FARP2: variants seen among roughly 807,000 people sequenced by gnomAD.
FARP2 encodes the protein FERM, ARHGEF and pleckstrin domain-containing protein 2.
FARP2 carries 111 observed loss-of-function variants against 130.5 expected under a neutral mutation model. That is an observed-to-expected ratio of 0.85 (90% CI 0.73 to 1.00). FARP2 has a LOEUF of 1.00. Ranked by LOEUF, FARP2 falls within the 50% of genes least tolerant of loss-of-function variation. FARP2 has a pLI of 0.00. For synonymous variants in FARP2, 504 were observed against 516.9 expected, an observed-to-expected ratio of 0.98 and a Z score of 0.34; for missense variants, 1,385 against 1,346.3, an observed-to-expected ratio of 1.03 and a Z score of -0.45.
intron 18 of FARP2, among the ~76,000 whole-genome samples, chr2:241,471,161 G>T (rs75948882): frequency 0.027 from 3,953 of 148,146 alleles, 399 homozygotes; most frequent in Admixed American, 0.18. Context: ...TCTGACGGGG[G>T]TCCTGTTCTG....
chr2:241,418,184 T>C (rs551767516), intron 8 of FARP2, 75 bp downstream of exon 8: 17 of 1,508,146 alleles, frequency 1.1e-5, no homozygotes, highest in South Asian at 9.3e-5. Context: ...TTTGTTCTTA[T>C]AGATGTTAGT....
intron 1 of FARP2, among the ~76,000 whole-genome samples, chr2:241,361,820 T>A (rs188911554): frequency 5.3e-5 from 8 of 152,252 alleles, no homozygotes; most frequent in African/African-American, 1.9e-4. Flanking sequence ...GAGGAACTAC[T>A]TTTAGAAATT....
Position 241,395,034 on chromosome 2 carries a change from G to T in FARP2, c.184-8794G>T, listed in dbSNP as rs185442286. On this transcript the variant is annotated intron_variant, in intron 2 of 26. Coordinates refer to ENST00000264042, the MANE Select transcript of FARP2 (RefSeq NM_014808.4). ...AGGCATGGTGCTCAGCGGCTTTCCT[G>T]TGCTACCTTATTACACTCCCATAAA... Among the ~76,000 whole-genome samples the T allele has an allele frequency of 2.4e-4, 37 of 152,334 alleles. No homozygotes were observed. The East Asian group carries it at 6.7e-3, about 28-fold the overall frequency.
chr2:241,451,282 G>A (rs1440385682), intron 13 of FARP2, among the ~76,000 whole-genome samples: 2 of 152,096 alleles, frequency 1.3e-5, no homozygotes, highest in Non-Finnish European at 2.9e-5. Context: ...CCAATTTGCC[G>A]CTTTGAGAGT....
chr2:241,364,132 A>T (rs905015461), intron 1 of FARP2, among the ~76,000 whole-genome samples: 4 of 152,242 alleles, frequency 2.6e-5, no homozygotes, highest in African/African-American at 9.6e-5. Context: ...TTAGGTAATT[A>T]TATGAGCCTT....
intron 12 of FARP2, among the ~76,000 whole-genome samples, chr2:241,438,349 G>GT (rs2063296001): frequency 6.6e-6 from 1 of 151,560 alleles, no homozygotes; most frequent in Admixed American, 6.6e-5. Flanking sequence ...GAAGCCAGGA[G>GT]TTTGAGACCA....
At chr2:241,365,482 C>G (rs577920726) in intron 1 of FARP2, among the ~76,000 whole-genome samples, 5 of 152,184 alleles carry the variant, frequency 3.3e-5, no homozygotes, top group Non-Finnish European at 5.9e-5. Flanking sequence ...TTTCTCTGAT[C>G]TGTAAATATT....
chr2:241,465,754 A>G, intron 17 of FARP2: 1 of 1,550,640 alleles, frequency 6.4e-7, no homozygotes, highest in Admixed American at 2.0e-5. Context: ...AGTGACGACG[A>G]CGACTCAAGC....
Position 241,396,044 on chromosome 2 carries a change from T to A in FARP2, c.184-7784T>A, listed in dbSNP as rs185333175. ...TTAAACTAGAGTGATGATACAACTA[T>A]CTGATCTTTGACAAACCTGAGAAAA... On this transcript the variant is annotated intron_variant, in intron 2 of 26. Coordinates refer to ENST00000264042, the MANE Select transcript of FARP2 (RefSeq NM_014808.4). 2.6e-5 allele frequency: 4 copies of A among 152,300 alleles called. No individual in the cohort carries two copies. The East Asian group carries it at 7.7e-4, about 29-fold the overall frequency. The allele number at this position is 152,300 out of a possible 1,614,324, so 9.4% of individuals were successfully genotyped here. A position where few individuals can be genotyped will look rare whatever the true frequency, so the allele number is the denominator to read the frequency against.
chr2:241,417,293 A>G (rs1319495323), intron 7 of FARP2, among the ~76,000 whole-genome samples: 1 of 151,208 alleles, frequency 6.6e-6, no homozygotes, highest in Non-Finnish European at 1.5e-5. Flanking sequence ...GTGAGACTCC[A>G]TCAAAAAAAA....
chr2:241,456,723 A>AT, intron 13 of FARP2, 24 bp from the exon 14 acceptor site: 3 of 1,613,308 alleles, frequency 1.9e-6, no homozygotes, highest in Non-Finnish European at 2.5e-6. Context: ...TTCTCGCTCC[A>AT]TCCCCCTCCC....
intron 5 of FARP2, 119 bp from the exon 6 acceptor site, chr2:241,410,914 A>G: frequency 3.0e-6 from 2 of 676,102 alleles, no homozygotes; most frequent in Non-Finnish European, 5.1e-6. Flanking sequence ...CGTTTTGCTC[A>G]CTGTTGGGTC....
intron 2 of FARP2, among the ~76,000 whole-genome samples, chr2:241,399,195 T>C (rs1454696988): frequency 6.6e-6 from 1 of 152,238 alleles, no homozygotes. Flanking sequence ...ATATCCTCTT[T>C]TGTGAAGTGC....
intron 2 of FARP2, among the ~76,000 whole-genome samples, chr2:241,385,272 A>C (rs558432432): frequency 2.1e-4 from 32 of 152,322 alleles, no homozygotes; most frequent in African/African-American, 7.5e-4. Context: ...AATTTTCCTC[A>C]GTAAAGAAAT....
rs771771150 is a variant in FARP2 at position 241,373,270 on chromosome 2, A to G, written c.163A>G (p.Met55Val). ...HLRVKLLDNT[M>V]EIFDIEPKCD... The stretch of plus-strand genomic sequence containing the variant: ...CAGAGTAAAGCTGCTGGACAACACC[A>G]TGGAAATATTTGACATTGAGGTAAG... Residue 55 changes from methionine to valine, a missense_variant, in exon 2 of 27, where the codon ATG becomes GTG. Met to Val is a conservative substitution (Grantham distance 21, BLOSUM62 1). Coordinates refer to ENST00000264042, the MANE Select transcript of FARP2 (RefSeq NM_014808.4). 17 of 1,488,870 alleles carry G rather than the reference A, an allele frequency of 1.1e-5. No homozygotes were observed. In the East Asian group the frequency reaches 2.0e-4, roughly 17 times the overall value. The allele number at this position is 1,488,870 out of a possible 1,614,324, so 92.2% of individuals were successfully genotyped here.
chr2:241,389,750 ATC>A (rs2061865160), intron 2 of FARP2, among the ~76,000 whole-genome samples: 1 of 152,174 alleles, frequency 6.6e-6, no homozygotes, highest in Admixed American at 6.5e-5. Context: ...AGTTTTTAAT[ATC>A]TGTTTCTTTT....
At chr2:241,389,452 A>G (rs2061858226) in intron 2 of FARP2, among the ~76,000 whole-genome samples, 1 of 152,234 alleles carries the variant, frequency 6.6e-6, no homozygotes, top group Non-Finnish European at 1.5e-5. Flanking sequence ...ATCTACTGCC[A>G]GCTTGACTGC....
At chr2:241,431,094 A>C (rs1172041582) in intron 8 of FARP2, among the ~76,000 whole-genome samples, 1 of 152,162 alleles carries the variant, frequency 6.6e-6, no homozygotes, top group Admixed American at 6.5e-5. Context: ...TACAAGTCCC[A>C]GTGTATCTTC....
At chr2:241,391,551 C>T (rs1575493722) in intron 2 of FARP2, among the ~76,000 whole-genome samples, 2 of 152,180 alleles carry the variant, frequency 1.3e-5, no homozygotes, top group Admixed American at 6.5e-5. Flanking sequence ...TTTGTATTCT[C>T]GGGCCCACCT....
Sources: allele counts gnomAD v4.1 joint callset (sites outside exome capture counted in the v4.1 genomes callset), GRCh38; gene constraint gnomAD v4.1.1; transcripts MANE v1.5; gene names NCBI Gene and HGNC (gene_info 2026-07-23, HGNC 2026-07-21).